The following STAB2 variants were observed in gnomAD, a reference collection of about 807,000 sequenced individuals.
STAB2 encodes the protein stabilin 2.
A neutral mutation model predicts 338.1 loss-of-function variants in STAB2; 288 were observed. The observed-to-expected ratio is 0.85, with a 90% confidence interval of 0.77 to 0.94. STAB2 has a LOEUF of 0.94. Among genes scored for constraint, STAB2 ranks in the 40% least tolerant of loss-of-function variants. STAB2 has a pLI of 0.00. For synonymous variants in STAB2, 1,202 were observed against 1,193.3 expected, an observed-to-expected ratio of 1.01 and a Z score of -0.15; for missense variants, 3,141 against 3,210.1, an observed-to-expected ratio of 0.98 and a Z score of 0.52.
chr12:103,611,962 C>A (rs534271518), intron 3 of STAB2, among the ~76,000 whole-genome samples: 13 of 152,078 alleles, frequency 8.5e-5, no homozygotes, highest in Non-Finnish European at 1.9e-4. Flanking sequence ...GTATGGCTGG[C>A]TATGAAATTC....
At chr12:103,618,061 G>C (rs916983498) in intron 3 of STAB2, among the ~76,000 whole-genome samples, 1 of 152,184 alleles carries the variant, frequency 6.6e-6, no homozygotes, top group Non-Finnish European at 1.5e-5. Flanking sequence ...GGAGCCCCCA[G>C]GGTCTCTTTC....
chr12:103,713,919 T>G (rs1880089209), intron 42 of STAB2, 151 bp downstream of exon 42: 2 of 1,303,662 alleles, frequency 1.5e-6, no homozygotes, highest in Non-Finnish European at 2.1e-6. Flanking sequence ...CATGGAAAAG[T>G]GACCACAGGG....
At position 103,670,762 on chromosome 12, in the gene STAB2, C is replaced by T; in HGVS notation, c.2326C>T (p.Gln776Ter). 2 of 1,614,150 alleles carry T rather than the reference C, an allele frequency of 1.2e-6. No individual in the cohort carries two copies. The highest frequency in any genetic ancestry group is 8.5e-7 in the Non-Finnish European group (1 of 1,180,024). The change falls in exon 22 of 69, where the codon CAG becomes TAG. Residue 776 changes from glutamine to a stop codon, truncating the protein, a stop_gained. Transcript: ENST00000388887. LOFTEE classifies it high-confidence loss of function. ...CEEGFQGSQC[Q>*]FCSDPNKYGP... ...GGAGGGCTTCCAAGGCTCCCAGTGT[C>T]AGTTCTGCTCTGATCCCAATAAATA...
intron 68 of STAB2, among the ~76,000 whole-genome samples, chr12:103,764,059 C>T (rs149915364): frequency 0.014 from 2,128 of 151,918 alleles, 54 homozygotes; most frequent in African/African-American, 0.049. Context: ...GATCTCGGCT[C>T]ATTGCAACCT....
intron 5 of STAB2, among the ~76,000 whole-genome samples, chr12:103,625,258 C>T (rs907781302): frequency 2.0e-5 from 3 of 152,174 alleles, no homozygotes; most frequent in African/African-American, 4.8e-5. Context: ...AGCACAGATG[C>T]GCAGGGAAAT....
chr12:103,652,660 C>T lies in STAB2; in HGVS notation c.1362C>T (p.Phe454=), dbSNP rs1873830531. 6.2e-7 allele frequency: 1 copy of T among 1,604,910 alleles called. No individual in the cohort carries two copies. The highest frequency in any genetic ancestry group is 1.3e-5 in the African/African-American group (1 of 74,834). The stretch of plus-strand genomic sequence containing the variant: ...AATATATGAATAACACAGACATGTT[C>T]TACACCTTGACTGGAAAGTCGGGGG... The part of the protein sequence containing the change: ...NIEYMNNTDM[F]YTLTGKSGEI... The change falls in exon 12 of 69, where the codon TTC becomes TTT. Residue 454 remains phenylalanine, a synonymous_variant. Transcript: ENST00000388887.
chr12:103,743,016 T>C (rs1882708351), intron 56 of STAB2, among the ~76,000 whole-genome samples: 1 of 86,378 alleles, frequency 1.2e-5, no homozygotes, highest in African/African-American at 4.4e-5. Flanking sequence ...GCCAGCAATT[T>C]TTTTTTCTTT....
rs1879367939 is a variant in STAB2 at position 103,706,594 on chromosome 12, TG to T, written c.3997-196del. On this transcript the variant is annotated intron_variant, in intron 37 of 68. Transcript: ENST00000388887. Reference sequence around the variant, plus strand: ...TTTCCTACCTCCTTAGTGGAGCCCTTGGTCCTGTTCCTAGCACCCCTAGAAA... The same window carrying T: ...TTTCCTACCTCCTTAGTGGAGCCCTTGTCCTGTTCCTAGCACCCCTAGAAA... Among the ~76,000 whole-genome samples, 7 of 152,232 alleles carry T rather than the reference TG, an allele frequency of 4.6e-5. No individual in the cohort carries two copies. The South Asian group carries it at 1.5e-3, about 32-fold the overall frequency.
At chr12:103,661,433 A>C (rs1465657831) in intron 17 of STAB2, among the ~76,000 whole-genome samples, 1 of 152,228 alleles carries the variant, frequency 6.6e-6, no homozygotes, top group Non-Finnish European at 1.5e-5. Flanking sequence ...TTGAGTTCCT[A>C]CTGTGCATCA....
At position 103,669,123 on chromosome 12, in the gene STAB2, C is replaced by A. The variant is rs114094795; in HGVS notation, c.2172+394C>A. The A allele has an allele frequency of 2.7e-3, 676 of 248,226 alleles. 5 individuals are homozygous for A. Among genetic ancestry groups the A allele is most frequent in the African/African-American group, 0.014 (625 of 44,868 alleles). 15.4% of individuals were successfully genotyped at this position (248,226 alleles called of 1,614,324 possible). On this transcript the variant is annotated intron_variant, in intron 20 of 68. Coordinates refer to ENST00000388887, the MANE Select transcript of STAB2 (RefSeq NM_017564.10). ...CTCCATTAACCAGCACTGTCACCAC[C>A]AATCTGCAGTGGCCTCCCTAGTACC...
chr12:103,701,977 TACACACACACACACACAC>T (rs71097990), intron 34 of STAB2, among the ~76,000 whole-genome samples: 8,263 of 143,998 alleles, frequency 0.057, 342 homozygotes, highest in African/African-American at 0.12. Context: ...TCAGCCCTGC[TACACACACACACACACAC>T]ACACACACAC....
chr12:103,726,243 C>A (rs1295608884), intron 46 of STAB2, 80 bp downstream of exon 46: 1 of 1,487,224 alleles, frequency 6.7e-7, no homozygotes. Flanking sequence ...AATTCCAACA[C>A]TTTGGGAGGC....
At chr12:103,724,197 C>A (rs2139051186) in intron 44 of STAB2, among the ~76,000 whole-genome samples, 1 of 152,296 alleles carries the variant, frequency 6.6e-6, no homozygotes. Context: ...GACACTCTCC[C>A]AGCACAGCCA....
intron 30 of STAB2, among the ~76,000 whole-genome samples, chr12:103,691,451 A>G (rs1243638310): frequency 6.6e-6 from 1 of 152,224 alleles, no homozygotes; most frequent in African/African-American, 2.4e-5. Flanking sequence ...TCTTATGATA[A>G]TTCTGGTGAC....
intron 56 of STAB2, 137 bp from the exon 57 acceptor site, chr12:103,745,036 T>C (rs1402102039): frequency 1.4e-6 from 1 of 689,744 alleles, no homozygotes. Flanking sequence ...TTTTAGATGT[T>C]TCAATGAATG....
chr12:103,590,310 A>G (rs1304178466), intron 1 of STAB2, among the ~76,000 whole-genome samples: 3 of 152,240 alleles, frequency 2.0e-5, no homozygotes, highest in Non-Finnish European at 4.4e-5. Flanking sequence ...GGGCTTAGGT[A>G]CAACAGTGGA....
chr12:103,708,226 C>T (rs1401427157), intron 38 of STAB2, among the ~76,000 whole-genome samples: 1 of 152,176 alleles, frequency 6.6e-6, no homozygotes, highest in African/African-American at 2.4e-5. Context: ...CAGTCTGAGC[C>T]ACTTCATTGA....
At chr12:103,591,761 C>T (rs115656569) in intron 2 of STAB2, among the ~76,000 whole-genome samples, 2,632 of 152,178 alleles carry the variant, frequency 0.017, 71 homozygotes, top group African/African-American at 0.06. Flanking sequence ...TCTTGAAGAC[C>T]TCTTGGGATT....
rs201799617 is a variant in STAB2 at position 103,728,969 on chromosome 12, G to A, written c.5056G>A (p.Glu1686Lys). Residue 1686 changes from glutamate to lysine, a missense_variant, in exon 48 of 69, where the codon GAG becomes AAG. By Grantham distance (56) the Glu-to-Lys change is moderately conservative. Coordinates refer to ENST00000388887, the MANE Select transcript of STAB2 (RefSeq NM_017564.10). ...LISNATSLQG[E>K]PIVISVSQST... ...CTCAAATGCTACTTCCCTCCAAGGA[G>A]AGCCAATAGTCATCTCCGTCTCTCA... is the stretch of plus-strand genomic sequence containing the variant. 3 of 1,613,838 alleles carry A rather than the reference G, an allele frequency of 1.9e-6. No homozygotes were observed. The Admixed American group carries it at 5.0e-5, about 27-fold the overall frequency.
Sources: allele counts gnomAD v4.1 joint callset (sites outside exome capture counted in the v4.1 genomes callset), GRCh38; gene constraint gnomAD v4.1.1; transcripts MANE v1.5; gene names NCBI Gene and HGNC (gene_info 2026-07-23, HGNC 2026-07-21).